The following NAALADL2 variants were observed in gnomAD, a reference collection of about 807,000 sequenced individuals.
NAALADL2 encodes the protein inactive N-acetylated-alpha-linked acidic dipeptidase-like protein 2.
In NAALADL2, 76 loss-of-function variants were observed where a neutral mutation model predicts 87.2. The ratio of observed to expected loss-of-function variants is 0.87; its 90% CI spans 0.72 to 1.05. The LOEUF (loss-of-function observed/expected upper bound fraction) is 1.05. NAALADL2 is among the 50% of genes least tolerant of loss of function. NAALADL2 has a pLI of 0.00. For synonymous variants in NAALADL2, 354 were observed against 331.0 expected (o/e 1.07, Z -0.75); for missense variants, 1,089 against 945.8 (o/e 1.15, Z -1.99).
At chr3:175,086,840 A>G (rs1375067348) in intron 1 of NAALADL2, among the ~76,000 whole-genome samples, 1 of 152,184 alleles carries the variant, frequency 6.6e-6, no homozygotes, top group Non-Finnish European at 1.5e-5. Context: ...GCTGTCATAC[A>G]GATATAGCTT....
chr3:175,490,842 G>A (rs990998550), intron 9 of NAALADL2, among the ~76,000 whole-genome samples: 7 of 152,166 alleles, frequency 4.6e-5, no homozygotes, highest in South Asian at 2.1e-4. Context: ...TAGGCAATCC[G>A]TGGAACATCA....
In NAALADL2 at chr3:175,474,038, C is replaced by T. The variant is rs192026258; in HGVS notation, c.1653+2280C>T. On this transcript the variant is annotated intron_variant, in intron 9 of 13. Coordinates refer to ENST00000454872, the MANE Select transcript of NAALADL2 (RefSeq NM_207015.3). ...TTCCCACCAACAGCATATAAGCATT[C>T]CCTTTTCACCACAATCTATGCCAAT... Among the ~76,000 whole-genome samples the T allele has an allele frequency of 1.0e-3, 152 of 152,264 alleles. 1 individual carries two copies. The highest frequency in any genetic ancestry group is 1.8e-3 in the Non-Finnish European group (124 of 68,012).
intron 1 of NAALADL2, among the ~76,000 whole-genome samples, chr3:175,003,018 T>G (rs2108769288): frequency 6.6e-6 from 1 of 152,312 alleles, no homozygotes; most frequent in East Asian, 1.9e-4. Context: ...CTTTTCTGAT[T>G]AGTTTCATAA....
At chr3:175,310,576 T>C (rs1195737346) in intron 4 of NAALADL2, among the ~76,000 whole-genome samples, 6 of 152,016 alleles carry the variant, frequency 3.9e-5, no homozygotes, top group Admixed American at 3.9e-4. Flanking sequence ...TTATTATATA[T>C]ACTCTTAGTT....
At chr3:175,582,830 C>T (rs1231598199) in intron 10 of NAALADL2, among the ~76,000 whole-genome samples, 1 of 152,198 alleles carries the variant, frequency 6.6e-6, no homozygotes, top group Non-Finnish European at 1.5e-5. Context: ...ACACGCAGAA[C>T]TGATTGACAA....
intron 2 of NAALADL2, among the ~76,000 whole-genome samples, chr3:174,671,036 C>G (rs1377460595): frequency 6.6e-6 from 1 of 152,058 alleles, no homozygotes; most frequent in African/African-American, 2.4e-5. Context: ...GGCTGCTTCC[C>G]CTCTGCTTTC....
At chr3:175,605,640 G>GTTTTTTT (rs751433758) in intron 10 of NAALADL2, among the ~76,000 whole-genome samples, 1 of 36,688 alleles carries the variant, frequency 2.7e-5, no homozygotes, top group South Asian at 1.3e-3. Context: ...TATATTGCTT[G>GTTTTTTT]TTTTTTTTTT....
At position 175,808,201 on chromosome 3, in the gene NAALADL2, T is replaced by C. The variant is rs139406415; in HGVS notation, c.*4998T>C. 1 of 152,062 alleles carries C rather than the reference T, an allele frequency of 6.6e-6. No homozygotes were observed. Among genetic ancestry groups the C allele is most frequent in the East Asian group, 1.9e-4 (1 of 5,176 alleles). The allele number at this position is 152,062 out of a possible 1,614,324, so 9.4% of individuals were successfully genotyped here. On this transcript the variant is annotated 3_prime_UTR_variant, in exon 14 of 14. Coordinates refer to ENST00000454872, the MANE Select transcript of NAALADL2 (RefSeq NM_207015.3). ...TCTTGTTACCCTGATTATTGCAAGA[T>C]GACATATTTCTTAAGCCATTTATAA... is the stretch of plus-strand genomic sequence containing the variant.
intron 5 of NAALADL2, among the ~76,000 whole-genome samples, chr3:175,325,058 G>A (rs1378323777): frequency 2.6e-5 from 4 of 152,148 alleles, no homozygotes; most frequent in African/African-American, 9.7e-5. Context: ...TTCTTGCAGG[G>A]TGATACTGAC....
intron 2 of NAALADL2, among the ~76,000 whole-genome samples, chr3:174,556,484 A>T (rs1560052607): frequency 6.6e-6 from 1 of 152,044 alleles, no homozygotes; most frequent in Non-Finnish European, 1.5e-5. Flanking sequence ...ATTGTGAAAA[A>T]CATTTTGACG....
chr3:175,372,855 G>T (rs150132270), intron 5 of NAALADL2, among the ~76,000 whole-genome samples: 24 of 152,272 alleles, frequency 1.6e-4, no homozygotes, highest in South Asian at 6.2e-4. Context: ...AGCAATTCCA[G>T]TTACCTTGAG....
rs145061165 is a variant in NAALADL2 at position 175,597,416 on chromosome 3, T to C, written c.1800+21229T>C. 3.2e-3 allele frequency among the ~76,000 whole-genome samples: 486 copies of C among 152,148 alleles called. 13 individuals are homozygous for C. The highest frequency in any genetic ancestry group is 0.03 in the Admixed American group (456 of 15,284). On this transcript the variant is annotated intron_variant, in intron 10 of 13. Transcript: ENST00000454872. ...TAGTGAGAATGAATTTGTAGAAGTGTGGTTTTAGGAATCAAACTCCCTGGA... is the reference window on the plus strand; with the variant it reads ...TAGTGAGAATGAATTTGTAGAAGTGCGGTTTTAGGAATCAAACTCCCTGGA...
At chr3:175,670,966 T>C (rs1258828630) in intron 11 of NAALADL2, among the ~76,000 whole-genome samples, 1 of 151,566 alleles carries the variant, frequency 6.6e-6, no homozygotes, top group Non-Finnish European at 1.5e-5. Flanking sequence ...TATTTTGATC[T>C]TCTGAGCAAC....
chr3:174,843,012 A>G (rs974214097), intron 3 of NAALADL2, among the ~76,000 whole-genome samples: 4 of 152,064 alleles, frequency 2.6e-5, no homozygotes, highest in Admixed American at 1.3e-4. Context: ...GTATATATTT[A>G]TGAGGTTCAA....
intron 9 of NAALADL2, among the ~76,000 whole-genome samples, chr3:175,501,904 G>T (rs1250190465): frequency 2.0e-5 from 3 of 151,998 alleles, no homozygotes; most frequent in South Asian, 4.1e-4. Flanking sequence ...ATCAAAAAAA[G>T]TTCCAAAGTC....
At chr3:175,311,703 T>TCTCCCTCC (rs71955438) in intron 4 of NAALADL2, among the ~76,000 whole-genome samples, 1 of 144,184 alleles carries the variant, frequency 6.9e-6, no homozygotes, top group Non-Finnish European at 1.5e-5. Flanking sequence ...TTCCTTCCTC[T>TCTCCCTCC]CTCCCTCCCT....
chr3:175,503,339 T>C (rs140677417), intron 9 of NAALADL2, among the ~76,000 whole-genome samples: 1 of 152,248 alleles, frequency 6.6e-6, no homozygotes, highest in East Asian at 1.9e-4. Flanking sequence ...CCGATGGGTA[T>C]TTAGGTTGAT....
intron 3 of NAALADL2, among the ~76,000 whole-genome samples, chr3:174,815,210 A>T (rs535643845): frequency 4.2e-4 from 64 of 152,284 alleles, no homozygotes; most frequent in African/African-American, 1.5e-3. Context: ...GTAACAAAGT[A>T]TACCACAGAC....
intron 9 of NAALADL2, among the ~76,000 whole-genome samples, chr3:175,495,423 G>C (rs1364215857): frequency 6.6e-6 from 1 of 151,908 alleles, no homozygotes; most frequent in Non-Finnish European, 1.5e-5. Flanking sequence ...CATGAAACGG[G>C]GACTAAGAGT....
Sources: allele counts gnomAD v4.1 joint callset (sites outside exome capture counted in the v4.1 genomes callset), GRCh38; gene constraint gnomAD v4.1.1; transcripts MANE v1.5; gene names NCBI Gene and HGNC (gene_info 2026-07-23, HGNC 2026-07-21).